MACROD2: variants seen among roughly 807,000 people sequenced by gnomAD.
The protein encoded by MACROD2 is ADP-ribose glycohydrolase MACROD2.
A neutral mutation model predicts 70.4 loss-of-function variants in MACROD2; 36 were observed. The observed-to-expected ratio is 0.51, with a 90% CI of 0.39 to 0.68. The LOEUF (loss-of-function observed/expected upper bound fraction) is 0.68, where lower values mean the gene tolerates loss of function less well. Among genes scored for constraint, MACROD2 ranks in the 30% least tolerant of loss-of-function variants. The pLI is 0.00. For synonymous variants in MACROD2, 172 were observed against 178.8 expected, an observed-to-expected ratio of 0.96 and a Z score of 0.30; for missense variants, 496 against 538.4, an observed-to-expected ratio of 0.92 and a Z score of 0.78.
chr20:15,299,716 A>G (rs1724495331), intron 6 of MACROD2, among the ~76,000 whole-genome samples: 1 of 152,242 alleles, frequency 6.6e-6, no homozygotes, highest in Non-Finnish European at 1.5e-5. Context: ...TCACATACCT[A>G]TCTGCACAAG....
Position 14,579,166 on chromosome 20 carries a change from G to T in MACROD2, c.301+85658G>T, listed in dbSNP as rs528492256. On this transcript the variant is annotated intron_variant, in intron 4 of 17. Coordinates refer to ENST00000684519, the MANE Select transcript of MACROD2 (RefSeq NM_001351661.2). ...TTTTTTTTTTTTGAGACGGAGTCTC[G>T]CTCTGTCGCCCAGGCCGGACTGCGG... is the stretch of plus-strand genomic sequence containing the variant. Among the ~76,000 whole-genome samples the T allele has an allele frequency of 5.4e-5, 6 of 110,936 alleles. No individual in the cohort carries two copies. In the South Asian group the frequency reaches 1.8e-3, roughly 34 times the overall value. The allele number at this position is 110,936 out of a possible 152,430, so 72.8% of individuals were successfully genotyped here. A position where few individuals can be genotyped will look rare whatever the true frequency, so the allele number is the denominator to read the frequency against.
intron 5 of MACROD2, among the ~76,000 whole-genome samples, chr20:14,818,247 T>G (rs970701573): frequency 1.3e-5 from 2 of 152,118 alleles, no homozygotes; most frequent in East Asian, 3.9e-4. Flanking sequence ...GCAGAGGCAG[T>G]GAAGAGCCAC....
At chr20:15,978,352 G>T (rs139937797) in intron 13 of MACROD2, among the ~76,000 whole-genome samples, 2 of 152,184 alleles carry the variant, frequency 1.3e-5, no homozygotes, top group African/African-American at 4.8e-5. Flanking sequence ...ACAGCCCTCC[G>T]GGTGGCATGG....
At chr20:14,520,516 G>T (rs2085155552) in intron 4 of MACROD2, among the ~76,000 whole-genome samples, 1 of 149,332 alleles carries the variant, frequency 6.7e-6, no homozygotes. Context: ...TGTTTCTACA[G>T]CTTCTTTTCT....
At chr20:14,101,738 T>C (rs2054304462) in intron 3 of MACROD2, among the ~76,000 whole-genome samples, 1 of 151,652 alleles carries the variant, frequency 6.6e-6, no homozygotes, top group Non-Finnish European at 1.5e-5. Context: ...TATAGTAACA[T>C]AGTCTTCCAG....
At chr20:15,738,840 G>A (rs919142817) in intron 8 of MACROD2, among the ~76,000 whole-genome samples, 3 of 152,090 alleles carry the variant, frequency 2.0e-5, no homozygotes, top group Admixed American at 6.6e-5. Context: ...CAGATGTTCT[G>A]TCGGGGAGGA....
chr20:14,605,708 C>G (rs970130572), intron 4 of MACROD2, among the ~76,000 whole-genome samples: 1 of 151,874 alleles, frequency 6.6e-6, no homozygotes, highest in Non-Finnish European at 1.5e-5. Flanking sequence ...GCTCCTGATT[C>G]TTTTACAGGA....
intron 7 of MACROD2, among the ~76,000 whole-genome samples, chr20:15,455,381 A>G (rs1329977555): frequency 1.3e-5 from 2 of 152,182 alleles, no homozygotes; most frequent in Non-Finnish European, 2.9e-5. Flanking sequence ...CTGATTAATG[A>G]GTTGTCACTG....
intron 3 of MACROD2, among the ~76,000 whole-genome samples, chr20:14,382,127 T>C (rs1600181823): frequency 6.7e-6 from 1 of 148,360 alleles, no homozygotes; most frequent in African/African-American, 2.5e-5. Flanking sequence ...AGTGGTGCCA[T>C]CTGGGCTCAC....
intron 4 of MACROD2, among the ~76,000 whole-genome samples, chr20:14,515,463 A>ACACACACACACG (rs34190778): frequency 0.06 from 8,260 of 138,686 alleles, 296 homozygotes; most frequent in East Asian, 0.085. Context: ...ATACACACAC[A>ACACACACACACG]CGCACACACA....
chr20:14,203,219 G>C (rs1379550121), intron 3 of MACROD2, among the ~76,000 whole-genome samples: 1 of 151,924 alleles, frequency 6.6e-6, no homozygotes, highest in Non-Finnish European at 1.5e-5. Flanking sequence ...GAATTCCTCA[G>C]TTTTAGGATT....
In MACROD2 at chr20:15,641,349, A is replaced by G. The variant is rs544396254; in HGVS notation, c.645+141502A>G. Among the ~76,000 whole-genome samples the G allele has an allele frequency of 5.3e-5, 8 of 152,352 alleles. No individual in the cohort carries two copies. The East Asian group carries it at 1.5e-3, about 29-fold the overall frequency. On this transcript the variant is annotated intron_variant, in intron 8 of 17. Coordinates refer to ENST00000684519, the MANE Select transcript of MACROD2 (RefSeq NM_001351661.2). Reference sequence around the variant, plus strand: ...GAGTAGAATTCACTGGCATTAAAACAGTAGATCCAGCAAAGTCTGGTGGAA... The same window carrying G: ...GAGTAGAATTCACTGGCATTAAAACGGTAGATCCAGCAAAGTCTGGTGGAA...
intron 2 of MACROD2, among the ~76,000 whole-genome samples, chr20:14,066,805 ATT>A (rs34648174): frequency 4.6e-4 from 48 of 104,124 alleles, no homozygotes; most frequent in East Asian, 2.9e-3. Flanking sequence ...TGTTTTAGTG[ATT>A]TTTTTTTTTT....
intron 5 of MACROD2, among the ~76,000 whole-genome samples, chr20:14,981,083 C>T (rs1376240578): frequency 6.7e-6 from 1 of 149,976 alleles, no homozygotes; most frequent in African/African-American, 2.5e-5. Context: ...TGTGTCCCAC[C>T]TAACTTAAGA....
At chr20:14,972,327 T>C (rs1023742193) in intron 5 of MACROD2, among the ~76,000 whole-genome samples, 1 of 152,170 alleles carries the variant, frequency 6.6e-6, no homozygotes, top group East Asian at 1.9e-4. Flanking sequence ...GAGATATTGC[T>C]GTAGCCATCT....
chr20:15,934,862 T>A (rs1370829053), intron 11 of MACROD2, among the ~76,000 whole-genome samples: 1 of 151,984 alleles, frequency 6.6e-6, no homozygotes, highest in Non-Finnish European at 1.5e-5. Context: ...CATGCCTGGA[T>A]AATTTTTTTA....
intron 3 of MACROD2, among the ~76,000 whole-genome samples, chr20:14,167,939 C>CA (rs911465534): frequency 1.3e-5 from 2 of 151,962 alleles, no homozygotes; most frequent in Non-Finnish European, 2.9e-5. Context: ...GTTGATAAAG[C>CA]AAAAAAATTA....
chr20:14,633,422 G>A (rs1429644915), intron 4 of MACROD2, among the ~76,000 whole-genome samples: 2 of 152,134 alleles, frequency 1.3e-5, no homozygotes, highest in African/African-American at 4.8e-5. Flanking sequence ...GGAAATTGAA[G>A]CCAATGAGAA....
intron 6 of MACROD2, among the ~76,000 whole-genome samples, chr20:15,329,736 A>G (rs571713307): frequency 2.0e-5 from 3 of 152,200 alleles, no homozygotes; most frequent in East Asian, 3.9e-4. Context: ...TGGTTCTCAA[A>G]GGGGGCTTAA....
Sources: allele counts gnomAD v4.1 joint callset (sites outside exome capture counted in the v4.1 genomes callset), GRCh38; gene constraint gnomAD v4.1.1; transcripts MANE v1.5; gene names NCBI Gene and HGNC (gene_info 2026-07-23, HGNC 2026-07-21).